ADH5: variants seen among roughly 807,000 people sequenced by gnomAD.
ADH5 encodes alcohol dehydrogenase class-3.
Under a neutral mutation model 40.3 loss-of-function variants are expected in ADH5, and 32 were observed. The observed-to-expected ratio is 0.79, with a 90% CI of 0.60 to 1.07. The LOEUF (loss-of-function observed/expected upper bound fraction) is 1.07. Among genes scored for constraint, ADH5 ranks in the 50% least tolerant of loss-of-function variants. The pLI, the probability that ADH5 is intolerant of heterozygous loss-of-function variation, is 0.00. For synonymous variants in ADH5, 125 were observed against 154.3 expected (o/e 0.81, Z 1.41); for missense variants, 353 against 460.5 (o/e 0.77, Z 2.14).
chr4:99,072,757 T>C, intron 7 of ADH5, 46 bp from the exon 8 acceptor site: 1 of 1,562,896 alleles, frequency 6.4e-7, no homozygotes, highest in Non-Finnish European at 8.7e-7. Context: ...TTCTGCAGTA[T>C]GCTTGTTACT....
At position 99,076,469 on chromosome 4, in the gene ADH5, A is replaced by C. The variant is rs761470031; in HGVS notation, c.648T>G (p.Ala216=). The C allele has an allele frequency of 5.0e-6, 8 of 1,614,126 alleles. No homozygotes were observed. The Admixed American group carries it at 5.0e-5, about 10-fold the overall frequency. ...TGATGTCCACACCAATGATCCGGGAAGCACCAGCCACTTTACAGCCCATGA... is the reference window on the plus strand; with the variant it reads ...TGATGTCCACACCAATGATCCGGGACGCACCAGCCACTTTACAGCCCATGA... ...AVIMGCKVAG[A]SRIIGVDINK... The change falls in exon 6 of 9, where the codon GCT becomes GCG. Residue 216 remains alanine, a synonymous_variant. Transcript: ENST00000296412.
intron 2 of ADH5, among the ~76,000 whole-genome samples, chr4:99,083,581 C>G (rs1417420063): frequency 8.7e-6 from 1 of 115,352 alleles, no homozygotes; most frequent in African/African-American, 3.2e-5. Flanking sequence ...GCCTGGGCGA[C>G]AGAGTGAAAC....
chr4:99,076,665 T>C, intron 5 of ADH5, 39 bp downstream of exon 5: 1 of 1,604,130 alleles, frequency 6.2e-7, no homozygotes, highest in Non-Finnish European at 8.5e-7. Context: ...CTGAATTAAA[T>C]TAGAAGGCAG....
Position 99,072,355 on chromosome 4 carries a change from C to G in ADH5, c.*62G>C. ...GGCTGTGAGGTTGGAGGCGCTTCTC[C>G]CTGCCTGTTAAGCTGCTCCTATCAC... On this transcript the variant is annotated 3_prime_UTR_variant, in exon 9 of 9. Coordinates refer to ENST00000296412, the MANE Select transcript of ADH5 (RefSeq NM_000671.4). 1.3e-6 allele frequency: 2 copies of G among 1,553,348 alleles called. No individual in the cohort carries two copies. The highest frequency in any genetic ancestry group is 1.8e-6 in the Non-Finnish European group (2 of 1,131,344).
rs960858407 is a variant in ADH5 at position 99,071,582 on chromosome 4, C to A, written c.*835G>T. ...GTATGAGGCTTAAAAATATATAAAA[C>A]AGTACTAAAGAGTAGATGGTTTAGG... is the stretch of plus-strand genomic sequence containing the variant. On this transcript the variant is annotated 3_prime_UTR_variant, in exon 9 of 9. Coordinates refer to ENST00000296412, the MANE Select transcript of ADH5 (RefSeq NM_000671.4). 1.3e-5 allele frequency: 2 copies of A among 152,094 alleles called. No individual in the cohort carries two copies. Among genetic ancestry groups the A allele is most frequent in the African/African-American group, 4.8e-5 (2 of 41,414 alleles). 9.4% of individuals were successfully genotyped at this position (152,094 alleles called of 1,614,324 possible).
At chr4:99,087,296 C>G (rs1728162469) in intron 1 of ADH5, among the ~76,000 whole-genome samples, 1 of 150,600 alleles carries the variant, frequency 6.6e-6, no homozygotes, top group African/African-American at 2.4e-5. Flanking sequence ...ACAGGAGAAT[C>G]GCTTGAACCC....
chr4:99,081,521 A>C, intron 3 of ADH5, 69 bp from the exon 4 acceptor site: 2 of 1,152,514 alleles, frequency 1.7e-6, no homozygotes, highest in Non-Finnish European at 2.5e-6. Context: ...CAGCCCTTGC[A>C]AATTCCTGTC....
At position 99,076,528 on chromosome 4, in the gene ADH5, C is replaced by T. The variant is rs746135427; in HGVS notation, c.589G>A (p.Val197Ile). Residue 197 changes from valine (V) to isoleucine (I), a missense_variant, in exon 6 of 9, where the codon GTC becomes ATC. Transcript: ENST00000296412. ...AKLEPGSVCA[V>I]FGLGGVGLAV... ...AATCCGACTCCTCCCAGACCAAAGA[C>T]GGCACAAACAGAGCCAGGCTCCAAC... 18 of 1,613,802 alleles carry T rather than the reference C, an allele frequency of 1.1e-5. No individual in the cohort carries two copies. Among genetic ancestry groups the T allele is most frequent in the African/African-American group, 6.7e-5 (5 of 74,920 alleles).
intron 1 of ADH5, 87 bp from the exon 2 acceptor site, chr4:99,085,303 A>G: frequency 1.9e-6 from 1 of 522,718 alleles, no homozygotes; most frequent in Non-Finnish European, 3.2e-6. Context: ...ATTAATGCTA[A>G]TCTTAAAAAG....
intron 2 of ADH5, 22 bp downstream of exon 2, chr4:99,085,093 A>AT: frequency 7.6e-7 from 1 of 1,312,876 alleles, no homozygotes; most frequent in Non-Finnish European, 1.0e-6. Flanking sequence ...TTTTTTTCCC[A>AT]GTGCCTTAAA....
rs28730599 is a variant in ADH5, at chr4:99,081,335, G to A, written c.344+30C>T. ...TCCTTAATTATCCCGCAGCACTTGT[G>A]TTTTAAGAAGAACATAAAAAGATAC... On this transcript the variant is annotated intron_variant, in intron 4 of 8. Coordinates refer to ENST00000296412, the MANE Select transcript of ADH5 (RefSeq NM_000671.4). 855 of 1,389,814 alleles carry A rather than the reference G, an allele frequency of 6.2e-4. 8 individuals are homozygous for A. The African/African-American group carries it at 0.011, about 18-fold the overall frequency. The allele number at this position is 1,389,814 out of a possible 1,614,324, so 86.1% of individuals were successfully genotyped here.
chr4:99,073,756 T>A (rs1233847217), intron 7 of ADH5, among the ~76,000 whole-genome samples: 2 of 152,190 alleles, frequency 1.3e-5, no homozygotes, highest in Non-Finnish European at 2.9e-5. Context: ...TATCTTTAGA[T>A]CAGCAATGCA....
At chr4:99,082,932 T>A (rs1305545981) in intron 2 of ADH5, among the ~76,000 whole-genome samples, 2 of 152,192 alleles carry the variant, frequency 1.3e-5, no homozygotes, top group Non-Finnish European at 2.9e-5. Flanking sequence ...TGCCTTGGCC[T>A]CCCAAAGTGC....
chr4:99,079,692 G>C (rs967072103), intron 4 of ADH5: 1 of 215,570 alleles, frequency 4.6e-6, no homozygotes, highest in Non-Finnish European at 9.2e-6. Flanking sequence ...TTTCCTCAAA[G>C]AGGTAGTTCT....
intron 4 of ADH5, chr4:99,079,813 C>A (rs952030901): frequency 1.7e-5 from 6 of 348,206 alleles, no homozygotes; most frequent in Admixed American, 1.7e-4. Context: ...TTATTACTCT[C>A]ACTTACTGGG....
At chr4:99,077,897 G>A (rs760799189) in intron 4 of ADH5, among the ~76,000 whole-genome samples, 5 of 152,196 alleles carry the variant, frequency 3.3e-5, no homozygotes, top group Non-Finnish European at 7.3e-5. Context: ...TGTGATCTGA[G>A]CAAGTTAATT....
intron 1 of ADH5, 187 bp from the exon 2 acceptor site, chr4:99,085,403 G>T: frequency 2.4e-6 from 1 of 424,098 alleles, no homozygotes; most frequent in Non-Finnish European, 4.2e-6. Context: ...TGATTTAATT[G>T]AGATGATTAC....
intron 1 of ADH5, among the ~76,000 whole-genome samples, chr4:99,085,985 C>T (rs1579366831): frequency 1.3e-5 from 2 of 151,946 alleles, no homozygotes; most frequent in East Asian, 3.9e-4. Flanking sequence ...TGCAGTGAGC[C>T]GAGATTGTGC....
chr4:99,076,015 A>G, intron 6 of ADH5: 1 of 350,710 alleles, frequency 2.9e-6, no homozygotes, highest in Non-Finnish European at 5.3e-6. Flanking sequence ...GATTCCAAAG[A>G]TCATGCTCTG....
Sources: allele counts gnomAD v4.1 joint callset (sites outside exome capture counted in the v4.1 genomes callset), GRCh38; gene constraint gnomAD v4.1.1; transcripts MANE v1.5; gene names NCBI Gene and HGNC (gene_info 2026-07-23, HGNC 2026-07-21).